ARHGAP45: variants seen among roughly 807,000 people sequenced by gnomAD.
ARHGAP45 encodes the protein Rho GTPase activating protein 45.
Under a neutral mutation model 116.1 loss-of-function variants are expected in ARHGAP45, and 56 were observed. The observed-to-expected ratio is 0.48, with a 90% confidence interval of 0.39 to 0.60. ARHGAP45 has a LOEUF of 0.60. Ranked by LOEUF, ARHGAP45 falls within the 20% of genes least tolerant of loss-of-function variation. ARHGAP45 has a pLI of 0.00. For synonymous variants in ARHGAP45, 866 were observed against 701.7 expected (o/e 1.23, Z -3.70); for missense variants, 1,622 against 1,601.0 (o/e 1.01, Z -0.22).
Position 1,085,703 on chromosome 19 carries a change from G to A in ARHGAP45, c.3108G>A (p.Glu1036=), listed in dbSNP as rs1309799995. Residue 1036 remains glutamate (E), a synonymous_variant, in exon 23 of 23, where the codon GAG becomes GAA. Coordinates refer to ENST00000313093, the MANE Select transcript of ARHGAP45 (RefSeq NM_012292.5). ...ACGATTCGGACTCGGACCTAGAGGAGGCCTCCGAGCTGCTGTCCTCATCGG... is the reference window on the plus strand; with the variant it reads ...ACGATTCGGACTCGGACCTAGAGGAAGCCTCCGAGCTGCTGTCCTCATCGG... ...VSNDSDSDLE[E]ASELLSSSEA... is the part of the protein sequence containing the mutation. 13 of 1,600,480 alleles carry A rather than the reference G, an allele frequency of 8.1e-6. No individual in the cohort carries two copies. The highest frequency in any genetic ancestry group is 1.1e-5 in the South Asian group (1 of 90,302).
intron 19 of ARHGAP45, chr19:1,082,567 C>T (rs2043471697): frequency 5.9e-6 from 3 of 509,850 alleles, no homozygotes; most frequent in African/African-American, 2.0e-5. Flanking sequence ...TCAGACTATG[C>T]TGAGTGGAGC....
chr19:1,082,633 G>A (rs1006107867), intron 19 of ARHGAP45: 12 of 555,356 alleles, frequency 2.2e-5, no homozygotes, highest in African/African-American at 3.9e-5. Context: ...GCGAGAAAGG[G>A]AGTGGAGCTG....
Position 1,083,231 on chromosome 19 carries a change from G to T in ARHGAP45, c.2833G>T (p.Glu945Ter). The T allele has an allele frequency of 6.2e-7, 1 of 1,607,888 alleles. No individual in the cohort carries two copies. ...CACGCTGCTTCGGCCACGGCCCACC[G>T]AGGCCACCGTGTCCCTCTCCTCCCT... is the stretch of plus-strand genomic sequence containing the variant. ...GPTLLRPRPT[E>*]ATVSLSSLVD... Residue 945 changes from glutamate to a stop codon, truncating the protein, a stop_gained, in exon 21 of 23, where the codon GAG becomes TAG. Coordinates refer to ENST00000313093, the MANE Select transcript of ARHGAP45 (RefSeq NM_012292.5). LOFTEE classifies it high-confidence loss of function.
chr19:1,068,452 C>T lies in ARHGAP45; in HGVS notation c.129C>T (p.Pro43=), dbSNP rs764694771. 3.8e-6 allele frequency: 6 copies of T among 1,580,572 alleles called. No individual in the cohort carries two copies. In the African/African-American group the frequency reaches 4.0e-5, roughly 11 times the overall value. Residue 43 remains proline, a synonymous_variant, in exon 2 of 23, where the codon CCC becomes CCT. Transcript: ENST00000313093. This position sits in a 1 kb window ranked among gnomAD's most constrained non-coding sequence, Gnocchi z 7.5. ...PRKDGADAVF[P]GPSLEPPAGS... is the part of the protein sequence containing the mutation. ...AGGATGGGGCTGACGCGGTGTTCCC[C>T]GGACCAAGCCTGGAGCCGCCCGCTG... is the stretch of plus-strand genomic sequence containing the variant.
rs1431515590 is a variant in ARHGAP45 at position 1,083,161 on chromosome 19, G to T, written c.2763G>T (p.Gln921His). ...RHLRRIVEVE[Q>H]DNKMTPGNLG... The stretch of plus-strand genomic sequence containing the variant: ...CCCGCAGGATCGTGGAGGTGGAGCA[G>T]GACAACAAGATGACCCCCGGGAACC... Residue 921 changes from glutamine to histidine, a missense_variant, in exon 21 of 23, where the codon CAG becomes CAT. By Grantham distance (24) the Gln-to-His change is conservative (BLOSUM62 0). Transcript: ENST00000313093. 27 of 1,609,702 alleles carry T rather than the reference G, an allele frequency of 1.7e-5. No homozygotes were observed. The highest frequency in any genetic ancestry group is 2.2e-5 in the Non-Finnish European group (26 of 1,179,368).
At chr19:1,080,837 C>A (rs2043412398) in intron 16 of ARHGAP45, 51 bp downstream of exon 16, 1 of 1,608,964 alleles carries the variant, frequency 6.2e-7, no homozygotes, top group Non-Finnish European at 8.5e-7. Context: ...GGACACAGTC[C>A]ATGGGCCTGG....
At position 1,084,717 on chromosome 19, in the gene ARHGAP45, C is replaced by T. The variant is rs184390226; in HGVS notation, c.3064+371C>T. Among the ~76,000 whole-genome samples, 14 of 152,272 alleles carry T rather than the reference C, an allele frequency of 9.2e-5. No individual in the cohort carries two copies. The East Asian group carries it at 1.9e-3, about 21-fold the overall frequency. On this transcript the variant is annotated intron_variant, in intron 22 of 22. Transcript: ENST00000313093. ...TTGACCCACGTGGGGCCAGCACCAC[C>T]TGTCAGAGGCAGCTGGCCGAGTGCC...
chr19:1,075,461 TCTCGAA>T (rs1259997944), intron 10 of ARHGAP45, among the ~76,000 whole-genome samples: 2 of 152,062 alleles, frequency 1.3e-5, no homozygotes, highest in Non-Finnish European at 2.9e-5. Context: ...GTCAGGCTGG[TCTCGAA>T]CTCCTGACCT....
At chr19:1,079,618 C>T (rs1242295812) in intron 11 of ARHGAP45, 85 bp from the exon 12 acceptor site, 15 of 1,507,376 alleles carry the variant, frequency 1.0e-5, no homozygotes, top group African/African-American at 4.2e-5. Flanking sequence ...GGATGACAGG[C>T]GTCAGCCCCG....
intron 1 of ARHGAP45, 99 bp downstream of exon 1, chr19:1,067,594 G>A (rs965884319): frequency 2.6e-6 from 3 of 1,143,682 alleles, no homozygotes; most frequent in Non-Finnish European, 2.6e-6. Flanking sequence ...GCGGCTGGGG[G>A]CTCGTGCCAG....
At chr19:1,066,290 G>T, upstream of ARHGAP45, 2 of 812,208 alleles carry the variant, frequency 2.5e-6, no homozygotes, top group South Asian at 3.6e-5. Flanking sequence ...GGTGGGGGTT[G>T]GGGGAAGGTA....
chr19:1,080,291 C>G lies in ARHGAP45; in HGVS notation c.1740C>G (p.Asn580Lys). Residue 580 changes from asparagine to lysine, a missense_variant, in exon 14 of 23, where the codon AAC (asparagine) becomes AAG (lysine). Coordinates refer to ENST00000313093, the MANE Select transcript of ARHGAP45 (RefSeq NM_012292.5). ...PVMRARKSSF[N>K]VSDVARPEAA... ...TGCGTGCCCGGAAGAGCAGCTTCAA[C>G]GTGAGTGATGTGGCGCGGCCGGAGG... 1 of 1,612,578 alleles carries G rather than the reference C, an allele frequency of 6.2e-7. No individual in the cohort carries two copies. Among genetic ancestry groups the G allele is most frequent in the Non-Finnish European group, 8.5e-7 (1 of 1,179,858 alleles).
rs555196334 is a variant in ARHGAP45 at position 1,085,911 on chromosome 19, A to G, written c.3316A>G (p.Asn1106Asp). The change falls in exon 23 of 23, where the codon AAC becomes GAC. Residue 1106 changes from asparagine to aspartate, a missense_variant. Asn to Asp is a conservative substitution (Grantham distance 23, BLOSUM62 1). Transcript: ENST00000313093. Reference sequence around the variant, plus strand: ...CTCAGGATTCAACACCAACCAGTCCAACAACGTGCTGCAGGCCCCACTGCC... The same window carrying G: ...CTCAGGATTCAACACCAACCAGTCCGACAACGTGCTGCAGGCCCCACTGCC... Reference protein sequence around the residue: ...QLSGFNTNQSNNVLQAPLPPM... With the variant: ...QLSGFNTNQSDNVLQAPLPPM... 3 of 1,612,854 alleles carry G rather than the reference A, an allele frequency of 1.9e-6. No individual in the cohort carries two copies. The South Asian group carries it at 3.3e-5, about 18-fold the overall frequency.
chr19:1,067,600 G>A, intron 1 of ARHGAP45, 105 bp downstream of exon 1: 1 of 1,073,534 alleles, frequency 9.3e-7, no homozygotes, highest in Non-Finnish European at 1.4e-6. Flanking sequence ...GGGGGCTCGT[G>A]CCAGCTACAG....
intron 10 of ARHGAP45, 66 bp from the exon 11 acceptor site, chr19:1,077,791 G>C: frequency 6.5e-7 from 1 of 1,549,796 alleles, no homozygotes; most frequent in Non-Finnish European, 8.7e-7. Context: ...GAAAGGAGGA[G>C]CTGGGGAGAC....
rs747684156 is a variant in ARHGAP45 at position 1,086,050 on chromosome 19, C to T, written c.*44C>T. The T allele has an allele frequency of 6.6e-6, 10 of 1,505,016 alleles. No homozygotes were observed. The South Asian group carries it at 8.3e-5, about 13-fold the overall frequency. 93.2% of individuals were successfully genotyped at this position (1,505,016 alleles called of 1,614,324 possible). A position where few individuals can be genotyped will look rare whatever the true frequency, so the allele number is the denominator to read the frequency against. ...CCACAGGTGGCTTCTCTCTTGCCTG[C>T]TCCTGTCCCTCCAGCACGTCCCCTG... On this transcript the variant is annotated 3_prime_UTR_variant, in exon 23 of 23. Coordinates refer to ENST00000313093, the MANE Select transcript of ARHGAP45 (RefSeq NM_012292.5).
Position 1,071,215 on chromosome 19 carries a change from G to A in ARHGAP45, c.422-1934G>A, listed in dbSNP as rs1230298281. 49 of 1,431,306 alleles carry A rather than the reference G, an allele frequency of 3.4e-5. No homozygotes were observed. The highest frequency in any genetic ancestry group is 4.4e-5 in the Non-Finnish European group (48 of 1,094,916). 88.7% of individuals were successfully genotyped at this position (1,431,306 alleles called of 1,614,324 possible). On this transcript the variant is annotated intron_variant, in intron 2 of 22. Coordinates refer to ENST00000313093, the MANE Select transcript of ARHGAP45 (RefSeq NM_012292.5). This position sits in a 1 kb window ranked among gnomAD's most constrained non-coding sequence, Gnocchi z 4.6. ...CCTCCTGACCGGCCGGAGCCGGTTTGGCCACCGGAGACCCCCATCGGTCAG... is the reference window on the plus strand; with the variant it reads ...CCTCCTGACCGGCCGGAGCCGGTTTAGCCACCGGAGACCCCCATCGGTCAG...
Position 1,083,085 on chromosome 19 carries a change from A to G in ARHGAP45, c.2744+19A>G. 6.4e-7 allele frequency: 1 copy of G among 1,560,228 alleles called. No individual in the cohort carries two copies. Among genetic ancestry groups the G allele is most frequent in the Non-Finnish European group, 8.6e-7 (1 of 1,157,022 alleles). On this transcript the variant is annotated intron_variant, in intron 20 of 22. Transcript: ENST00000313093. ...TACGCAGGTGAGTCCCGGCATATGG[A>G]GTGGAGGGCGCGGGGTCCCGGGAGC...
chr19:1,075,834 T>C, intron 10 of ARHGAP45, among the ~76,000 whole-genome samples: 1 of 152,214 alleles, frequency 6.6e-6, no homozygotes, highest in East Asian at 1.9e-4. Context: ...GTTTGCTTTT[T>C]AGCTGTGTTA....
Sources: allele counts gnomAD v4.1 joint callset (sites outside exome capture counted in the v4.1 genomes callset), GRCh38; gene constraint gnomAD v4.1.1; non-coding constraint Gnocchi (gnomAD v3.1); transcripts MANE v1.5; gene names NCBI Gene and HGNC (gene_info 2026-07-23, HGNC 2026-07-21).